The following ARHGAP6 variants were observed in gnomAD, a reference collection of about 807,000 sequenced individuals.
The protein encoded by ARHGAP6 is rho GTPase-activating protein 6.
A neutral mutation model predicts 55.7 loss-of-function variants in ARHGAP6; 16 were observed. The ratio of observed to expected loss-of-function variants is 0.29; its 90% confidence interval spans 0.19 to 0.44. ARHGAP6 has a LOEUF of 0.44. Ranked by LOEUF, ARHGAP6 falls within the 20% of genes least tolerant of loss-of-function variation. The pLI, the probability that ARHGAP6 is intolerant of heterozygous loss-of-function variation, is 1.00. For synonymous variants in ARHGAP6, 382 were observed against 360.9 expected, an observed-to-expected ratio of 1.06 and a Z score of -0.66; for missense variants, 698 against 808.9, an observed-to-expected ratio of 0.86 and a Z score of 1.66.
intron 1 of ARHGAP6, among the ~76,000 whole-genome samples, chrX:11,325,146 C>T (rs745483346): frequency 8.9e-6 from 1 of 112,703 alleles, no homozygotes; most frequent in South Asian, 3.7e-4. Flanking sequence ...GCGTGAGCCA[C>T]ACTTAAAATT....
chrX:11,418,580 A>T (rs1026510390), intron 1 of ARHGAP6, among the ~76,000 whole-genome samples: 1 of 112,289 alleles, frequency 8.9e-6, no homozygotes, highest in Non-Finnish European at 1.9e-5. Flanking sequence ...ATTTTGAATT[A>T]TATTAATAAA....
At position 11,178,370 on chromosome X, in the gene ARHGAP6, C is replaced by T. The variant is rs144424306; in HGVS notation, c.1481-122G>A. The T allele has an allele frequency of 3.6e-4, 301 of 842,759 alleles. 2 individuals are homozygous for T. In the East Asian group the frequency reaches 8.2e-3, roughly 23 times the overall value. The allele number at this position is 842,759 out of a possible 1,213,427, so 69.5% of individuals were successfully genotyped here. ...TATCAAGGCAATTCCCATTTCATGC[C>T]TTCACTCATTTGCCCATTGCTTTAG... On this transcript the variant is annotated intron_variant, in intron 7 of 12. Transcript: ENST00000337414.
intron 1 of ARHGAP6, among the ~76,000 whole-genome samples, chrX:11,629,962 A>AAGT (rs764398198): frequency 4.3e-4 from 48 of 111,452 alleles, no homozygotes; most frequent in Middle Eastern, 4.6e-3. Context: ...TGGCACTTTC[A>AAGT]AGTCTCACCA....
intron 1 of ARHGAP6, among the ~76,000 whole-genome samples, chrX:11,503,550 T>G (rs1343690079): frequency 8.9e-6 from 1 of 111,856 alleles, no homozygotes; most frequent in Non-Finnish European, 1.9e-5. Context: ...TCAAACACTT[T>G]GGATGATCAC....
chrX:11,402,168 C>T (rs950867914), intron 1 of ARHGAP6, among the ~76,000 whole-genome samples: 4 of 111,999 alleles, frequency 3.6e-5, no homozygotes, highest in African/African-American at 1.3e-4. Flanking sequence ...CAAACACAAA[C>T]CCAAAGTACA....
At chrX:11,483,359 G>A (rs367700575) in intron 1 of ARHGAP6, among the ~76,000 whole-genome samples, 4 of 112,096 alleles carry the variant, frequency 3.6e-5, no homozygotes, top group Non-Finnish European at 7.5e-5. Flanking sequence ...GAGTGGACAC[G>A]TGCCCCACTT....
intron 1 of ARHGAP6, among the ~76,000 whole-genome samples, chrX:11,362,298 A>T (rs754973096): frequency 8.9e-6 from 1 of 111,858 alleles, no homozygotes; most frequent in East Asian, 2.8e-4. Flanking sequence ...AATGTGGCAC[A>T]TATACACCAT....
At chrX:11,374,182 TG>T (rs2049174794) in intron 1 of ARHGAP6, among the ~76,000 whole-genome samples, 1 of 110,820 alleles carries the variant, frequency 9.0e-6, no homozygotes, top group African/African-American at 3.3e-5. Flanking sequence ...TAATATGGAG[TG>T]GGCCCAAGAG....
At chrX:11,317,930 C>T (rs1330042108) in intron 1 of ARHGAP6, among the ~76,000 whole-genome samples, 2 of 112,052 alleles carry the variant, frequency 1.8e-5, no homozygotes, top group African/African-American at 3.2e-5. Context: ...GGATCAAGCC[C>T]GGTGCCTCCA....
At chrX:11,654,433 G>A (rs2052617172) in intron 1 of ARHGAP6, among the ~76,000 whole-genome samples, 1 of 111,615 alleles carries the variant, frequency 9.0e-6, no homozygotes, top group South Asian at 3.8e-4. Context: ...TAAAGATGAG[G>A]AGAGCTTCTC....
chrX:11,551,620 G>C (rs1489410917), intron 1 of ARHGAP6, among the ~76,000 whole-genome samples: 2 of 111,604 alleles, frequency 1.8e-5, no homozygotes, highest in African/African-American at 6.5e-5. Flanking sequence ...GTGGAGATAG[G>C]GAATAAACAG....
intron 9 of ARHGAP6, among the ~76,000 whole-genome samples, chrX:11,162,335 C>CCT (rs2045960987): frequency 1.3e-5 from 1 of 79,777 alleles, no homozygotes; most frequent in Non-Finnish European, 2.4e-5. Context: ...GAAACTGTGC[C>CCT]CCCCCCCCCA....
chrX:11,356,569 G>GT (rs1292005806), intron 1 of ARHGAP6, among the ~76,000 whole-genome samples: 9 of 111,485 alleles, frequency 8.1e-5, no homozygotes, highest in South Asian at 7.5e-4. Flanking sequence ...CATTTTTGCT[G>GT]TTTTTTTGAG....
chrX:11,551,725 TAC>T (rs1031666753), intron 1 of ARHGAP6, among the ~76,000 whole-genome samples: 1 of 111,863 alleles, frequency 8.9e-6, no homozygotes, highest in Admixed American at 9.5e-5. Context: ...GACAGAGAGA[TAC>T]ACACATAGAA....
chrX:11,143,645 C>A, intron 11 of ARHGAP6: 1 of 993,005 alleles, frequency 1.0e-6, no homozygotes, highest in Non-Finnish European at 1.3e-6. Context: ...AAATATGCAA[C>A]CCAAATCCAG....
At chrX:11,165,192 A>G (rs867403207) in intron 9 of ARHGAP6, among the ~76,000 whole-genome samples, 7 of 111,813 alleles carry the variant, frequency 6.3e-5, no homozygotes, top group Non-Finnish European at 1.9e-5. Context: ...TTATTCAACA[A>G]ATAATTACTG....
intron 1 of ARHGAP6, among the ~76,000 whole-genome samples, chrX:11,262,570 T>G (rs765273397): frequency 3.3e-4 from 37 of 111,402 alleles, no homozygotes; most frequent in Admixed American, 9.6e-5. Flanking sequence ...AAACAAGGGG[T>G]GAGGCAGGGC....
chrX:11,189,977 T>C (rs991515931), intron 3 of ARHGAP6, among the ~76,000 whole-genome samples: 2 of 112,369 alleles, frequency 1.8e-5, no homozygotes, highest in African/African-American at 6.5e-5. Flanking sequence ...AACCTCTCCA[T>C]TGTTTTTATA....
intron 1 of ARHGAP6, among the ~76,000 whole-genome samples, chrX:11,615,992 T>A (rs1386717497): frequency 1.8e-5 from 2 of 111,829 alleles, no homozygotes; most frequent in African/African-American, 6.5e-5. Context: ...AAATCTCATG[T>A]TGAAATTTGG....
Sources: allele counts gnomAD v4.1 joint callset (sites outside exome capture counted in the v4.1 genomes callset), GRCh38; gene constraint gnomAD v4.1.1; transcripts MANE v1.5; gene names NCBI Gene and HGNC (gene_info 2026-07-23, HGNC 2026-07-21).